Variants in LIMS1 observed in about 807,000 individuals in gnomAD.
LIMS1 encodes LIM and senescent cell antigen-like-containing domain protein 1.
In LIMS1, 18 loss-of-function variants were observed where a neutral mutation model predicts 44.1. That is an observed-to-expected ratio of 0.41 (90% CI 0.28 to 0.61). The LOEUF (loss-of-function observed/expected upper bound fraction) is 0.61. LIMS1 is among the 20% of genes least tolerant of loss of function. The pLI, the probability that LIMS1 is intolerant of heterozygous loss-of-function variation, is 0.32. For missense variants in LIMS1, 201 were observed against 422.0 expected, an observed-to-expected ratio of 0.48 and a Z score of 4.59; for synonymous variants, 93 against 149.1, an observed-to-expected ratio of 0.62 and a Z score of 2.74.
chr2:108,539,451 A>T (rs965467189), intron 1 of LIMS1, among the ~76,000 whole-genome samples: 2 of 152,196 alleles, frequency 1.3e-5, no homozygotes, highest in African/African-American at 4.8e-5. Context: ...TCCATGTTCT[A>T]GTCCTAGTTC....
chr2:108,547,460 C>T (rs1684518827), intron 1 of LIMS1, among the ~76,000 whole-genome samples: 2 of 152,278 alleles, frequency 1.3e-5, no homozygotes, highest in African/African-American at 2.4e-5. Flanking sequence ...GCCCACAACA[C>T]AGATGCAGAA....
intron 1 of LIMS1, among the ~76,000 whole-genome samples, chr2:108,558,917 C>T (rs867052341): frequency 2.0e-5 from 3 of 151,388 alleles, no homozygotes; most frequent in East Asian, 2.0e-4. Context: ...GTGATCCACC[C>T]GCCTTGGTCT....
intron 1 of LIMS1, among the ~76,000 whole-genome samples, chr2:108,649,148 C>T (rs1690283491): frequency 6.6e-6 from 1 of 151,832 alleles, no homozygotes; most frequent in Non-Finnish European, 1.5e-5. Context: ...AAAAAAACCC[C>T]ATCAAAAAGT....
At chr2:108,592,512 T>A (rs1013357332) in intron 1 of LIMS1, among the ~76,000 whole-genome samples, 1 of 152,168 alleles carries the variant, frequency 6.6e-6, no homozygotes, top group Non-Finnish European at 1.5e-5. Context: ...CTTATAGGGC[T>A]TTAAAATGTG....
At chr2:108,564,058 A>G (rs1685212217) in intron 1 of LIMS1, among the ~76,000 whole-genome samples, 1 of 151,520 alleles carries the variant, frequency 6.6e-6, no homozygotes, top group Non-Finnish European at 1.5e-5. Context: ...AAAAAAAAAA[A>G]AAAAGGAAAA....
At chr2:108,534,305 A>C (rs1441517746), upstream of LIMS1, 2 of 98,582 alleles carry the variant, frequency 2.0e-5, no homozygotes, top group South Asian at 3.8e-4. Context: ...CTACCTCTCC[A>C]GTCCGCGCCC....
chr2:108,569,764 C>CCTTTTTTTTTTTTTTTTTTTTTTTTT lies in LIMS1; in HGVS notation c.32+35170_32+35171insCTTTTTTTTTTTTTTTTTTTTTTTTT, dbSNP rs753691810. 2.7e-4 allele frequency among the ~76,000 whole-genome samples: 30 copies of CCTTTTTTTTTTTTTTTTTTTTTTTTT among 113,126 alleles called. 4 individuals are homozygous for CCTTTTTTTTTTTTTTTTTTTTTTTTT. Among genetic ancestry groups the CCTTTTTTTTTTTTTTTTTTTTTTTTT allele is most frequent in the African/African-American group, 7.2e-4 (21 of 29,152 alleles). 74.2% of individuals were successfully genotyped at this position (113,126 alleles called of 152,430 possible). The stretch of plus-strand genomic sequence containing the variant: ...TACAAACACTCACCGCCATATCTGG[C>CCTTTTTTTTTTTTTTTTTTTTTTTTT]TTTTTTTTTTTTTTTTTTTAGTGAT... On this transcript the variant is annotated intron_variant, in intron 1 of 9. Transcript: ENST00000544547.
chr2:108,612,029 TACACAC>T (rs71381969), intron 1 of LIMS1, among the ~76,000 whole-genome samples: 16 of 79,930 alleles, frequency 2.0e-4, no homozygotes, highest in Non-Finnish European at 3.0e-4. Flanking sequence ...CACACACATA[TACACAC>T]ACACACACAC....
intron 1 of LIMS1, chr2:108,607,373 T>C (rs1453640477): frequency 3.1e-6 from 3 of 965,316 alleles, no homozygotes; most frequent in East Asian, 2.7e-5. Context: ...TGTGTGCACA[T>C]ATAGAAGTGA....
chr2:108,543,368 T>G (rs1684376873), intron 1 of LIMS1, among the ~76,000 whole-genome samples: 1 of 152,244 alleles, frequency 6.6e-6, no homozygotes, highest in African/African-American at 2.4e-5. Context: ...GTTTCAATAC[T>G]GACTGACTGG....
chr2:108,617,114 G>T (rs1395905117), intron 1 of LIMS1, among the ~76,000 whole-genome samples: 1 of 152,184 alleles, frequency 6.6e-6, no homozygotes, highest in Admixed American at 6.5e-5. Context: ...TAGTGTACTG[G>T]CAGTGAGCCC....
chr2:108,589,741 T>G (rs1202084809), intron 1 of LIMS1, among the ~76,000 whole-genome samples: 3 of 152,206 alleles, frequency 2.0e-5, no homozygotes, highest in Non-Finnish European at 2.9e-5. Context: ...TTTATATATC[T>G]CCTTTATTTT....
At chr2:108,664,600 A>T (rs539664269) in intron 2 of LIMS1, among the ~76,000 whole-genome samples, 5 of 152,236 alleles carry the variant, frequency 3.3e-5, no homozygotes, top group Non-Finnish European at 5.9e-5. Flanking sequence ...AGAAATTTAA[A>T]TCTTCCCAAT....
rs1327964374 is a variant in LIMS1, at chr2:108,583,206, TA to T, written c.32+48613del. The stretch of plus-strand genomic sequence containing the variant: ...CACCACCACGCCTGGCTAATGTTTG[TA>T]TTTTTTTTTTTTTTTTAGTAGAGAG... On this transcript the variant is annotated intron_variant, in intron 1 of 9. Transcript: ENST00000544547. 5.3e-3 allele frequency among the ~76,000 whole-genome samples: 498 copies of T among 94,744 alleles called. 2 individuals carry two copies. Among genetic ancestry groups the T allele is most frequent in the African/African-American group, 0.018 (472 of 26,874 alleles). 62.2% of individuals were successfully genotyped at this position (94,744 alleles called of 152,430 possible). A position where few individuals can be genotyped will look rare whatever the true frequency, so the allele number is the denominator to read the frequency against.
chr2:108,679,313 T>C (rs1261121006), intron 8 of LIMS1, among the ~76,000 whole-genome samples: 1 of 151,810 alleles, frequency 6.6e-6, no homozygotes, highest in Non-Finnish European at 1.5e-5. Context: ...ACCCCATCTC[T>C]ACTAAAAATA....
At chr2:108,612,946 G>A (rs774268863) in intron 1 of LIMS1, among the ~76,000 whole-genome samples, 1 of 152,160 alleles carries the variant, frequency 6.6e-6, no homozygotes, top group African/African-American at 2.4e-5. Flanking sequence ...TGGTCTGTGG[G>A]GGAGAATGTT....
At chr2:108,556,130 C>A (rs541657868) in intron 1 of LIMS1, among the ~76,000 whole-genome samples, 2 of 152,280 alleles carry the variant, frequency 1.3e-5, no homozygotes, top group East Asian at 3.9e-4. Context: ...CTAGTAACTT[C>A]TGTTCTACTT....
In LIMS1 at chr2:108,590,328, T is replaced by C. The variant is rs535613025; in HGVS notation, c.32+55734T>C. ...TAATGAACAGGAGAACACAAGTATT[T>C]TTCATGGATAAGAAAGAAAACATTA... is the stretch of plus-strand genomic sequence containing the variant. On this transcript the variant is annotated intron_variant, in intron 1 of 9. Transcript: ENST00000544547. Among the ~76,000 whole-genome samples, 4 of 152,210 alleles carry C rather than the reference T, an allele frequency of 2.6e-5. No homozygotes were observed. The South Asian group carries it at 8.3e-4, about 31-fold the overall frequency.
intron 1 of LIMS1, among the ~76,000 whole-genome samples, chr2:108,551,152 A>G (rs1684676683): frequency 1.3e-5 from 2 of 151,910 alleles, no homozygotes; most frequent in South Asian, 4.1e-4. Context: ...ACTCACACAC[A>G]GCTTCGTTGA....
Sources: gnomAD v4.1 joint callset for allele counts (sites outside exome capture counted in the v4.1 genomes callset) on GRCh38, gnomAD v4.1.1 for gene constraint, MANE v1.5 for transcripts, NCBI Gene and HGNC (gene_info 2026-07-23, HGNC 2026-07-21) for gene names.